TEK: variants seen among roughly 807,000 people sequenced by gnomAD.
The protein encoded by TEK is angiopoietin-1 receptor.
Under a neutral mutation model 131.8 loss-of-function variants are expected in TEK, and 43 were observed. That is an observed-to-expected ratio of 0.33 (90% confidence interval 0.26 to 0.42). The LOEUF (loss-of-function observed/expected upper bound fraction) is 0.42, where lower values mean the gene tolerates loss of function less well. Among genes scored for constraint, TEK ranks in the 10% least tolerant of loss-of-function variants. The pLI is 1.00. For synonymous variants in TEK, 580 were observed against 491.6 expected, an observed-to-expected ratio of 1.18 and a Z score of -2.38; for missense variants, 1,162 against 1,384.4, an observed-to-expected ratio of 0.84 and a Z score of 2.55.
chr9:27,209,303 A>G (rs1171061523), intron 16 of TEK, 72 bp downstream of exon 16: 1 of 1,082,626 alleles, frequency 9.2e-7, no homozygotes, highest in Non-Finnish European at 1.4e-6. Flanking sequence ...GGATATAAGG[A>G]AAGATAATGA....
At chr9:27,180,101 A>G in intron 6 of TEK, 139 bp from the exon 7 acceptor site, 1 of 1,255,230 alleles carries the variant, frequency 8.0e-7, no homozygotes. Context: ...GTTCCTGGTA[A>G]TTCAGATAAA....
chr9:27,175,447 TAC>T (rs1452032249), intron 6 of TEK, among the ~76,000 whole-genome samples: 3 of 152,056 alleles, frequency 2.0e-5, no homozygotes. Flanking sequence ...ACAATAAACA[TAC>T]GTGTGCATGT....
At chr9:27,218,019 C>T (rs928255554) in intron 19 of TEK, among the ~76,000 whole-genome samples, 12 of 151,870 alleles carry the variant, frequency 7.9e-5, no homozygotes, top group Non-Finnish European at 1.3e-4. Context: ...TGCGAATTCT[C>T]GGACTCAACA....
intron 16 of TEK, among the ~76,000 whole-genome samples, chr9:27,212,004 AGAG>A (rs762934171): frequency 0.013 from 1,971 of 146,140 alleles, 48 homozygotes; most frequent in African/African-American, 0.048. Context: ...AAAAAAAAAA[AGAG>A]AGAGAGAAAT....
intron 14 of TEK, 65 bp from the exon 15 acceptor site, chr9:27,206,517 G>C (rs1330276991): frequency 1.3e-6 from 2 of 1,519,574 alleles, no homozygotes; most frequent in Non-Finnish European, 1.8e-6. Context: ...CCAACCAGAA[G>C]ACATTATGCC....
intron 21 of TEK, among the ~76,000 whole-genome samples, chr9:27,221,930 A>G (rs1337776605): frequency 1.3e-5 from 2 of 152,208 alleles, no homozygotes; most frequent in Non-Finnish European, 2.9e-5. Flanking sequence ...GGTGGGTAAT[A>G]ACAAACTCCT....
chr9:27,202,948 A>G lies in TEK; in HGVS notation c.2038A>G (p.Asn680Asp), dbSNP rs1200471425. The change falls in exon 13 of 23, where the codon AAT becomes GAT. Residue 680 changes from asparagine to aspartate, a missense_variant. Asn to Asp is a conservative substitution (Grantham distance 23, BLOSUM62 1). Around this residue, in one of 6 missense-constraint regions of TEK, gnomAD observed 477 missense variants for 471.0 expected, o/e 1.01. Transcript: ENST00000380036. ...ITIRYKVQGK[N>D]EDQHVDVKIK... Reference sequence around the variant, plus strand: ...TATCCGTTACAAGGTTCAAGGCAAGAATGAAGACCAGCACGTTGATGTGAA... The same window carrying G: ...TATCCGTTACAAGGTTCAAGGCAAGGATGAAGACCAGCACGTTGATGTGAA... 2 of 1,614,154 alleles carry G rather than the reference A, an allele frequency of 1.2e-6. No homozygotes were observed. The highest frequency in any genetic ancestry group is 3.3e-5 in the Admixed American group (2 of 60,016).
In TEK at chr9:27,183,594, A is replaced by T. The variant is rs1442085234; in HGVS notation, c.1166A>T (p.Asp389Val). 1 of 1,613,794 alleles carries T rather than the reference A, an allele frequency of 6.2e-7. No homozygotes were observed. Among genetic ancestry groups the T allele is most frequent in the African/African-American group, 1.3e-5 (1 of 74,894 alleles). The change falls in exon 8 of 23, where the codon GAT becomes GTT. Residue 389 changes from aspartate (D) to valine (V), a missense_variant. Transcript: ENST00000380036. ...TNEEMTLVKP[D>V]GTVLHPKDFN... Reference sequence around the variant, plus strand: ...GAAGAAATGACCCTGGTGAAGCCGGATGGGACAGTGCTCCATGTAAGAGCC... The same window carrying T: ...GAAGAAATGACCCTGGTGAAGCCGGTTGGGACAGTGCTCCATGTAAGAGCC...
At chr9:27,117,210 C>T (rs1417203504) in intron 1 of TEK, among the ~76,000 whole-genome samples, 1 of 152,140 alleles carries the variant, frequency 6.6e-6, no homozygotes, top group Non-Finnish European at 1.5e-5. Flanking sequence ...AGCAGAGTAA[C>T]AGCCTCCGGG....
chr9:27,211,243 GTATT>G lies in TEK; in HGVS notation c.2687-1461_2687-1458del, dbSNP rs983498162. ...TATATGAATATATGTGCATATATAT[GTATT>G]TAAGGTAAATTACCTTTATCTTTAT... On this transcript the variant is annotated intron_variant, in intron 16 of 22. Transcript: ENST00000380036. Among the ~76,000 whole-genome samples the G allele has an allele frequency of 4.0e-5, 6 of 148,404 alleles. No homozygotes were observed. In the Admixed American group the frequency reaches 4.1e-4, roughly 10 times the overall value.
At chr9:27,187,218 C>A (rs489347) in intron 9 of TEK, among the ~76,000 whole-genome samples, 2 of 152,008 alleles carry the variant, frequency 1.3e-5, no homozygotes, top group African/African-American at 2.4e-5. Context: ...TTCTCCAGTC[C>A]TAAGTCACTG....
At chr9:27,203,224 G>A in intron 13 of TEK, 105 bp downstream of exon 13, 14 of 1,288,316 alleles carry the variant, frequency 1.1e-5, no homozygotes, top group East Asian at 2.3e-5. Flanking sequence ...AAAGTCGGTG[G>A]TTGAATGGAC....
At chr9:27,174,414 G>C (rs915408875) in intron 6 of TEK, among the ~76,000 whole-genome samples, 2 of 152,268 alleles carry the variant, frequency 1.3e-5, no homozygotes, top group South Asian at 4.1e-4. Flanking sequence ...CATTAAAAAA[G>C]TGAGGAGAAA....
intron 13 of TEK, among the ~76,000 whole-genome samples, chr9:27,203,673 T>C (rs944144963): frequency 1.7e-4 from 26 of 152,146 alleles, no homozygotes; most frequent in African/African-American, 6.0e-4. Context: ...CTGTTGAGTG[T>C]AATTAAGTGA....
At chr9:27,138,584 A>G (rs995749073) in intron 1 of TEK, among the ~76,000 whole-genome samples, 3 of 152,228 alleles carry the variant, frequency 2.0e-5, no homozygotes, top group Non-Finnish European at 4.4e-5. Context: ...TCACTTTTAA[A>G]ACTGTTGAGC....
At chr9:27,165,455 C>T (rs1823694781) in intron 2 of TEK, among the ~76,000 whole-genome samples, 2 of 152,230 alleles carry the variant, frequency 1.3e-5, no homozygotes, top group South Asian at 4.2e-4. Flanking sequence ...CCTCACCATC[C>T]AGTCCCCTGT....
At chr9:27,148,013 ACAGT>A (rs1424210915) in intron 1 of TEK, among the ~76,000 whole-genome samples, 7 of 152,318 alleles carry the variant, frequency 4.6e-5, no homozygotes, top group Non-Finnish European at 1.0e-4. Context: ...TTAAATGGAA[ACAGT>A]CATAGTACCT....
chr9:27,122,913 C>T (rs1334750758), intron 1 of TEK, among the ~76,000 whole-genome samples: 5 of 151,640 alleles, frequency 3.3e-5, no homozygotes, highest in Middle Eastern at 3.4e-3. Context: ...ATTAGCCAGG[C>T]GTGGTGGCAT....
chr9:27,180,600 T>C lies in TEK; in HGVS notation c.1030+232T>C, dbSNP rs983361680. Among the ~76,000 whole-genome samples, 10 of 152,206 alleles carry C rather than the reference T, an allele frequency of 6.6e-5. No homozygotes were observed. In the East Asian group the frequency reaches 1.7e-3, roughly 26 times the overall value. ...CTAGGCATAAACCACGTGCTCTTTG[T>C]AGCAGCTTAAGTGATGACTGGCCAG... is the stretch of plus-strand genomic sequence containing the variant. On this transcript the variant is annotated intron_variant, in intron 7 of 22. Coordinates refer to ENST00000380036, the MANE Select transcript of TEK (RefSeq NM_000459.5).
Sources: allele counts gnomAD v4.1 joint callset (sites outside exome capture counted in the v4.1 genomes callset), GRCh38; gene constraint gnomAD v4.1.1; regional missense constraint gnomAD v4.1.1; transcripts MANE v1.5; gene names NCBI Gene and HGNC (gene_info 2026-07-23, HGNC 2026-07-21).